The following PTPRQ variants were observed in gnomAD, a reference collection of about 807,000 sequenced individuals.
PTPRQ encodes phosphatidylinositol phosphatase PTPRQ.
A neutral mutation model predicts 246.0 loss-of-function variants in PTPRQ; 199 were observed. That is an observed-to-expected ratio of 0.81 (90% CI 0.72 to 0.91). PTPRQ has a LOEUF of 0.91. Ranked by LOEUF, PTPRQ falls within the 40% of genes least tolerant of loss-of-function variation. The probability of loss-of-function intolerance (pLI) is 0.00; values close to 1 mark genes in which losing one functional copy is unlikely to be tolerated. For missense variants in PTPRQ, 2,624 were observed against 2,528.4 expected (o/e 1.04, Z -0.81); for synonymous variants, 869 against 853.2 (o/e 1.02, Z -0.32).
chr12:80,650,543 A>C (rs1263425180), intron 37 of PTPRQ, among the ~76,000 whole-genome samples: 1 of 152,026 alleles, frequency 6.6e-6, no homozygotes, highest in Non-Finnish European at 1.5e-5. Context: ...AAAGAATAAA[A>C]CAATTGGGTT....
At chr12:80,604,903 A>AT (rs1233374471) in intron 26 of PTPRQ, among the ~76,000 whole-genome samples, 156 bp from the exon 27 acceptor site, 1 of 151,492 alleles carries the variant, frequency 6.6e-6, no homozygotes, top group Non-Finnish European at 1.5e-5. Context: ...GGATCTTTTT[A>AT]TTTGGTAATG....
At chr12:80,480,643 A>G (rs1215957739) in intron 8 of PTPRQ, among the ~76,000 whole-genome samples, 2 of 152,006 alleles carry the variant, frequency 1.3e-5, no homozygotes, top group African/African-American at 2.4e-5. Context: ...TAATAAAGAA[A>G]AAAAGAGAGA....
At chr12:80,534,862 CA>C (rs762428842) in intron 18 of PTPRQ, 29 bp from the exon 19 acceptor site, 2 of 1,540,544 alleles carry the variant, frequency 1.3e-6, no homozygotes, top group Non-Finnish European at 1.8e-6. Context: ...AACACAAATA[CA>C]GTAATTTGTT....
At chr12:80,636,705 C>T (rs531536213) in intron 35 of PTPRQ, among the ~76,000 whole-genome samples, 2 of 152,314 alleles carry the variant, frequency 1.3e-5, no homozygotes, top group East Asian at 3.9e-4. Flanking sequence ...CACTGGTAGG[C>T]ATTTTCATTT....
rs75407056 is a variant in PTPRQ, at chr12:80,555,480, C to A, written c.4285+5746C>A. On this transcript the variant is annotated intron_variant, in intron 25 of 44. Transcript: ENST00000644991. The stretch of plus-strand genomic sequence containing the variant: ...GCCCTTCTATGGCTACAAATTAGTG[C>A]ACTAAATCAAAAGTTCACTTTTCCT... 6.4e-3 allele frequency among the ~76,000 whole-genome samples: 976 copies of A among 152,262 alleles called. 14 individuals are homozygous for A. The highest frequency in any genetic ancestry group is 0.022 in the African/African-American group (907 of 41,546).
intron 35 of PTPRQ, among the ~76,000 whole-genome samples, chr12:80,645,213 T>G (rs1188909816): frequency 6.6e-6 from 1 of 152,106 alleles, no homozygotes; most frequent in Non-Finnish European, 1.5e-5. Flanking sequence ...AAGAGCAATT[T>G]TATTGTTCAT....
rs1475757130 is a variant in PTPRQ, at chr12:80,496,066, G to A, written c.1950G>A (p.Leu650=). 2 of 1,549,368 alleles carry A rather than the reference G, an allele frequency of 1.3e-6. No homozygotes were observed. The highest frequency in any genetic ancestry group is 1.7e-6 in the Non-Finnish European group (2 of 1,146,172). The change falls in exon 13 of 45, where the codon TTG becomes TTA. Residue 650 remains leucine, a synonymous_variant. Coordinates refer to ENST00000644991, the MANE Select transcript of PTPRQ (RefSeq NM_001145026.2). The part of the protein sequence containing the change: ...AASTHVGESS[L]SEENDIFVRT... ...CAACCCACGTTGGAGAAAGTTCTTTGTCTGAAGAAAATGACATCTTTGTGA... is the reference window on the plus strand; with the variant it reads ...CAACCCACGTTGGAGAAAGTTCTTTATCTGAAGAAAATGACATCTTTGTGA...
chr12:80,675,884 C>T (rs546541184), intron 43 of PTPRQ, among the ~76,000 whole-genome samples: 41 of 152,114 alleles, frequency 2.7e-4, no homozygotes, highest in Non-Finnish European at 4.4e-4. Flanking sequence ...TTTAGTTAGC[C>T]TCTTTGAGCT....
intron 17 of PTPRQ, among the ~76,000 whole-genome samples, chr12:80,511,714 CAAG>C (rs1253367476): frequency 1.1e-4 from 17 of 152,110 alleles, no homozygotes; most frequent in Non-Finnish European, 2.2e-4. Context: ...GCAGAACTTT[CAAG>C]AAGGAGGGAA....
chr12:80,444,257 A>G lies in PTPRQ; in HGVS notation c.-89A>G. 1 of 706,390 alleles carries G rather than the reference A, an allele frequency of 1.4e-6. No individual in the cohort carries two copies. Among genetic ancestry groups the G allele is most frequent in the Non-Finnish European group, 2.5e-6 (1 of 402,188 alleles). 43.8% of individuals were successfully genotyped at this position (706,390 alleles called of 1,614,324 possible). A position where few individuals can be genotyped will look rare whatever the true frequency, so the allele number is the denominator to read the frequency against. On this transcript the variant is annotated 5_prime_UTR_variant, in exon 1 of 45. Transcript: ENST00000644991. ...TGGGCTCATTAATTGTGTACTTGCC[A>G]GAAGGATCTGTCTTTAAATCATTAA...
chr12:80,643,209 G>T (rs528880216), intron 35 of PTPRQ, among the ~76,000 whole-genome samples: 1 of 152,154 alleles, frequency 6.6e-6, no homozygotes, highest in East Asian at 1.9e-4. Flanking sequence ...AGGTCGAGGC[G>T]GGTAGATCCC....
At chr12:80,456,708 A>G (rs1402094884) in intron 3 of PTPRQ, among the ~76,000 whole-genome samples, 1 of 152,148 alleles carries the variant, frequency 6.6e-6, no homozygotes, top group Non-Finnish European at 1.5e-5. Flanking sequence ...TACTCTGTTC[A>G]AATAAATGTT....
intron 17 of PTPRQ, among the ~76,000 whole-genome samples, chr12:80,531,044 A>G (rs892437673): frequency 6.6e-6 from 1 of 151,990 alleles, no homozygotes; most frequent in Admixed American, 6.6e-5. Context: ...ATATATTTAA[A>G]TTTAAAGAAG....
chr12:80,473,047 GCACACACA>G (rs34054644), intron 8 of PTPRQ, among the ~76,000 whole-genome samples: 9 of 145,570 alleles, frequency 6.2e-5, no homozygotes, highest in Admixed American at 2.1e-4. Flanking sequence ...TCACACACAC[GCACACACA>G]CACACACACA....
At chr12:80,452,849 G>A (rs1004978045) in intron 3 of PTPRQ, among the ~76,000 whole-genome samples, 2 of 151,970 alleles carry the variant, frequency 1.3e-5, no homozygotes, top group African/African-American at 4.8e-5. Context: ...GTGTCTTGGA[G>A]TCGCTCTTCT....
rs192871855 is a variant in PTPRQ at position 80,518,403 on chromosome 12, G to A, written c.2678+7960G>A. 2.5e-4 allele frequency among the ~76,000 whole-genome samples: 38 copies of A among 152,266 alleles called. 1 individual carries two copies. Among genetic ancestry groups the A allele is most frequent in the Admixed American group, 3.9e-4 (6 of 15,288 alleles). ...TTATTAATCCCTTGTCAGATTGACA[G>A]TTTGCAAATATTTTCTCCTATTCTG... On this transcript the variant is annotated intron_variant, in intron 17 of 44. Coordinates refer to ENST00000644991, the MANE Select transcript of PTPRQ (RefSeq NM_001145026.2).
chr12:80,632,436 T>G (rs780262233), intron 34 of PTPRQ, 145 bp downstream of exon 34: 1 of 1,184,672 alleles, frequency 8.4e-7, no homozygotes, highest in Non-Finnish European at 1.2e-6. Context: ...ATTTATCATG[T>G]ACAATATGAT....
At chr12:80,546,358 C>A (rs1217967889) in intron 23 of PTPRQ, among the ~76,000 whole-genome samples, 198 bp from the exon 24 acceptor site, 6 of 151,866 alleles carry the variant, frequency 4.0e-5, no homozygotes, top group Non-Finnish European at 7.4e-5. Flanking sequence ...AGAAGGTGCC[C>A]AATTCATCCT....
At chr12:80,467,480 C>A (rs1893467589) in intron 6 of PTPRQ, among the ~76,000 whole-genome samples, 2 of 151,994 alleles carry the variant, frequency 1.3e-5, no homozygotes, top group South Asian at 4.1e-4. Context: ...CTAGAAATAC[C>A]ATTTGACCCA....
Sources: allele counts gnomAD v4.1 joint callset (sites outside exome capture counted in the v4.1 genomes callset), GRCh38; gene constraint gnomAD v4.1.1; transcripts MANE v1.5; gene names NCBI Gene and HGNC (gene_info 2026-07-23, HGNC 2026-07-21).